The following KCNC2 variants were observed in gnomAD, a reference collection of about 807,000 sequenced individuals.
The protein encoded by KCNC2 is voltage-gated potassium channel KCNC2.
In KCNC2, 21 loss-of-function variants were observed where a neutral mutation model predicts 44.5. That is an observed-to-expected ratio of 0.47 (90% CI 0.33 to 0.68). The LOEUF is 0.68. KCNC2 is among the 30% of genes least tolerant of loss of function. The pLI is 0.01. For missense variants in KCNC2, 589 were observed against 826.2 expected (o/e 0.71, Z 3.52); for synonymous variants, 391 against 339.1 (o/e 1.15, Z -1.68).
intron 2 of KCNC2, among the ~76,000 whole-genome samples, chr12:75,154,249 C>A (rs1890609190): frequency 6.6e-6 from 1 of 152,012 alleles, no homozygotes; most frequent in Admixed American, 6.6e-5. Flanking sequence ...ATGCAACTAT[C>A]ACATTTGTTG....
intron 2 of KCNC2, among the ~76,000 whole-genome samples, chr12:75,151,996 T>TATAATATATTATATATTA (rs1890437288): frequency 7.2e-6 from 1 of 139,280 alleles, no homozygotes; most frequent in East Asian, 3.0e-4. Context: ...ATTATATATA[T>TATAATATATTATATATTA]TACATATTAT....
rs148531822 is a variant in KCNC2 at position 75,186,200 on chromosome 12, TTC to T, written c.687+21095_687+21096del. 5.2e-3 allele frequency among the ~76,000 whole-genome samples: 791 copies of T among 152,138 alleles called. 6 individuals are homozygous for T. The highest frequency in any genetic ancestry group is 0.018 in the African/African-American group (761 of 41,490). On this transcript the variant is annotated intron_variant, in intron 2 of 4. Transcript: ENST00000549446. ...ATACCTTGGGAAATTTTTTTCTGGC[TTC>T]TCTGAGGCGCCTTCTTGGAGTTCTT...
At chr12:75,152,576 A>T (rs951662457) in intron 2 of KCNC2, among the ~76,000 whole-genome samples, 1 of 152,014 alleles carries the variant, frequency 6.6e-6, no homozygotes, top group Non-Finnish European at 1.5e-5. Flanking sequence ...TATTCCAGAT[A>T]TAAGATTGAA....
intron 2 of KCNC2, among the ~76,000 whole-genome samples, chr12:75,127,892 C>T (rs1278615437): frequency 6.6e-6 from 1 of 152,094 alleles, no homozygotes; most frequent in Non-Finnish European, 1.5e-5. Context: ...GTGGAAAAAT[C>T]TTATTACCAG....
chr12:75,069,462 A>T (rs924172289), intron 2 of KCNC2, among the ~76,000 whole-genome samples: 7 of 151,980 alleles, frequency 4.6e-5, no homozygotes, highest in Admixed American at 1.3e-4. Context: ...TTAAAGTCAA[A>T]ACAATTTTCA....
intron 2 of KCNC2, among the ~76,000 whole-genome samples, chr12:75,114,677 A>C (rs1206285999): frequency 6.6e-6 from 1 of 152,068 alleles, no homozygotes; most frequent in East Asian, 1.9e-4. Flanking sequence ...GCCTTCCTCC[A>C]CACATGTGCA....
intron 2 of KCNC2, among the ~76,000 whole-genome samples, chr12:75,108,812 C>G (rs1249975846): frequency 6.6e-6 from 1 of 152,110 alleles, no homozygotes; most frequent in East Asian, 1.9e-4. Flanking sequence ...TTTCCCTGGG[C>G]AGTTCAGCTG....
intron 2 of KCNC2, among the ~76,000 whole-genome samples, chr12:75,136,035 G>T (rs1889203974): frequency 6.6e-6 from 1 of 151,818 alleles, no homozygotes; most frequent in African/African-American, 2.4e-5. Context: ...CAAACACTCA[G>T]CTCTATTATC....
At chr12:75,065,282 TA>T (rs1447258593) in intron 2 of KCNC2, among the ~76,000 whole-genome samples, 4 of 152,078 alleles carry the variant, frequency 2.6e-5, no homozygotes, top group Admixed American at 6.6e-5. Context: ...TCACAACAAT[TA>T]TTCATTCAGT....
intron 2 of KCNC2, among the ~76,000 whole-genome samples, chr12:75,055,161 C>A (rs943556132): frequency 3.9e-5 from 6 of 151,932 alleles, no homozygotes; most frequent in African/African-American, 1.5e-4. Flanking sequence ...TTGCTCCTTG[C>A]ACGATTGTTA....
intron 2 of KCNC2, among the ~76,000 whole-genome samples, chr12:75,075,586 A>G (rs910272110): frequency 6.6e-6 from 1 of 151,706 alleles, no homozygotes; most frequent in African/African-American, 2.4e-5. Context: ...TTACATAGTT[A>G]TTCTTGAATC....
chr12:75,127,807 C>A (rs183347468), intron 2 of KCNC2, among the ~76,000 whole-genome samples: 1 of 152,088 alleles, frequency 6.6e-6, no homozygotes. Flanking sequence ...TGAACATCTT[C>A]TTTAATATTA....
chr12:75,106,361 T>C (rs534007871), intron 2 of KCNC2, among the ~76,000 whole-genome samples: 1 of 152,156 alleles, frequency 6.6e-6, no homozygotes, highest in East Asian at 1.9e-4. Flanking sequence ...AGCAGAGAAA[T>C]AAGGTGGTGG....
At chr12:75,205,572 T>C (rs2031617424) in intron 2 of KCNC2, among the ~76,000 whole-genome samples, 1 of 152,192 alleles carries the variant, frequency 6.6e-6, no homozygotes. Context: ...GTTTTTGCTA[T>C]GCAATCTGGC....
At chr12:75,155,347 G>A (rs1445913354) in intron 2 of KCNC2, among the ~76,000 whole-genome samples, 1 of 151,680 alleles carries the variant, frequency 6.6e-6, no homozygotes, top group African/African-American at 2.4e-5. Flanking sequence ...GTGAAACAAA[G>A]CAGAAACAAA....
intron 2 of KCNC2, among the ~76,000 whole-genome samples, chr12:75,099,201 AC>A (rs1886176917): frequency 6.6e-6 from 1 of 152,218 alleles, no homozygotes. Flanking sequence ...AAGGGCTGGC[AC>A]AAATGCAAGG....
chr12:75,140,120 G>A (rs1322348268), intron 2 of KCNC2: 1 of 152,112 alleles, frequency 6.6e-6, no homozygotes, highest in Non-Finnish European at 1.5e-5. Context: ...GGATCTACTG[G>A]GCTTGGTTGG....
chr12:75,164,091 G>T (rs1891293592), intron 2 of KCNC2, among the ~76,000 whole-genome samples: 1 of 151,672 alleles, frequency 6.6e-6, no homozygotes. Context: ...CATGACTTAA[G>T]CTCCCTGTTC....
chr12:75,153,980 G>C (rs189809728), intron 2 of KCNC2, among the ~76,000 whole-genome samples: 2 of 151,684 alleles, frequency 1.3e-5, no homozygotes, highest in African/African-American at 2.4e-5. Context: ...CACATTCTGC[G>C]TACTTATTGA....
Sources: allele counts gnomAD v4.1 joint callset (sites outside exome capture counted in the v4.1 genomes callset), GRCh38; gene constraint gnomAD v4.1.1; transcripts MANE v1.5; gene names NCBI Gene and HGNC (gene_info 2026-07-23, HGNC 2026-07-21).